Variants in SLC44A5 observed in about 807,000 individuals in gnomAD.
SLC44A5 encodes the protein choline transporter-like protein 5.
Under a neutral mutation model 101.8 loss-of-function variants are expected in SLC44A5, and 57 were observed. The observed-to-expected ratio is 0.56, with a 90% confidence interval of 0.45 to 0.70. SLC44A5 has a LOEUF of 0.70. Ranked by LOEUF, SLC44A5 falls within the 30% of genes least tolerant of loss-of-function variation. SLC44A5 has a pLI of 0.00. For synonymous variants in SLC44A5, 281 were observed against 290.9 expected (o/e 0.97, Z 0.35); for missense variants, 737 against 853.1 (o/e 0.86, Z 1.70).
At chr1:75,607,697 C>T (rs1675405906) in intron 1 of SLC44A5, among the ~76,000 whole-genome samples, 1 of 151,940 alleles carries the variant, frequency 6.6e-6, no homozygotes, top group South Asian at 2.1e-4. Context: ...TAGTAAGTCT[C>T]ATGAGATCTG....
At chr1:75,335,967 C>A (rs1177727803) in intron 4 of SLC44A5, among the ~76,000 whole-genome samples, 1 of 152,098 alleles carries the variant, frequency 6.6e-6, no homozygotes, top group Non-Finnish European at 1.5e-5. Flanking sequence ...TGTGCTTGCT[C>A]TTTAGCTTTT....
chr1:75,205,207 G>A (rs1021921880), intron 23 of SLC44A5: 2 of 152,002 alleles, frequency 1.3e-5, no homozygotes, highest in African/African-American at 2.4e-5. Flanking sequence ...TTTAAATCTA[G>A]GTGTCTACAC....
intron 4 of SLC44A5, among the ~76,000 whole-genome samples, chr1:75,320,031 C>A (rs1656020779): frequency 6.6e-6 from 1 of 152,058 alleles, no homozygotes; most frequent in Admixed American, 6.6e-5. Context: ...ATCTTACAGA[C>A]CTTCCTAGCC....
chr1:75,371,019 C>G (rs1255953794), intron 3 of SLC44A5, among the ~76,000 whole-genome samples: 1 of 152,122 alleles, frequency 6.6e-6, no homozygotes, highest in Non-Finnish European at 1.5e-5. Flanking sequence ...ATGCTCTCAT[C>G]TCATACAGAG....
intron 3 of SLC44A5, among the ~76,000 whole-genome samples, chr1:75,374,398 G>C (rs1201903401): frequency 6.6e-6 from 1 of 152,144 alleles, no homozygotes; most frequent in Non-Finnish European, 1.5e-5. Context: ...TGGGTCTCCT[G>C]GTGACCTAAC....
chr1:75,334,555 T>C (rs1657297941), intron 4 of SLC44A5, among the ~76,000 whole-genome samples: 2 of 152,146 alleles, frequency 1.3e-5, no homozygotes, highest in Non-Finnish European at 2.9e-5. Flanking sequence ...CTAGCACTAT[T>C]GTGTTTAACA....
chr1:75,312,045 T>C (rs756162431), intron 4 of SLC44A5, among the ~76,000 whole-genome samples: 2 of 152,132 alleles, frequency 1.3e-5, no homozygotes, highest in African/African-American at 2.4e-5. Context: ...TGGTGGGAGA[T>C]AGTTGAATCA....
At chr1:75,342,692 T>C (rs1657974480) in intron 3 of SLC44A5, among the ~76,000 whole-genome samples, 1 of 152,206 alleles carries the variant, frequency 6.6e-6, no homozygotes. Flanking sequence ...ACATTAAAGG[T>C]AGGCAAAACC....
At chr1:75,242,788 A>T in intron 8 of SLC44A5, 98 bp downstream of exon 8, 1 of 1,350,250 alleles carries the variant, frequency 7.4e-7, no homozygotes, top group Non-Finnish European at 1.0e-6. Flanking sequence ...ATTTCCTAGA[A>T]GATTTGGGAG....
intron 3 of SLC44A5, among the ~76,000 whole-genome samples, chr1:75,385,921 T>C (rs1281212925): frequency 6.6e-6 from 1 of 152,120 alleles, no homozygotes; most frequent in Admixed American, 6.5e-5. Flanking sequence ...AATCAATAAA[T>C]GTAATCCAGC....
intron 1 of SLC44A5, among the ~76,000 whole-genome samples, chr1:75,610,745 C>A (rs1309370641): frequency 6.6e-6 from 1 of 152,008 alleles, no homozygotes; most frequent in Non-Finnish European, 1.5e-5. Context: ...AGAGAAGATA[C>A]ATAAGTGTAA....
At position 75,611,104 on chromosome 1, in the gene SLC44A5, G is replaced by A. The variant is rs937216699; in HGVS notation, c.-134C>T. On this transcript the variant is annotated 5_prime_UTR_variant, in exon 1 of 24. Coordinates refer to ENST00000370859, the MANE Select transcript of SLC44A5 (RefSeq NM_001130058.2). ...GAACCTTCTAACTCTAACATGCTAC[G>A]ATTCACTACTGTGAAAAAAAAGCTG... is the stretch of plus-strand genomic sequence containing the variant. 9 of 984,948 alleles carry A rather than the reference G, an allele frequency of 9.1e-6. No homozygotes were observed. Among genetic ancestry groups the A allele is most frequent in the Admixed American group, 6.2e-5 (1 of 16,222 alleles). The allele number at this position is 984,948 out of a possible 1,614,324, so 61.0% of individuals were successfully genotyped here. A position where few individuals can be genotyped will look rare whatever the true frequency, so the allele number is the denominator to read the frequency against.
chr1:75,337,430 A>C (rs1365672430), intron 4 of SLC44A5, among the ~76,000 whole-genome samples: 2 of 152,206 alleles, frequency 1.3e-5, no homozygotes, highest in African/African-American at 4.8e-5. Flanking sequence ...CTACATTATG[A>C]GATGAATTTC....
At chr1:75,434,597 GA>G (rs1388955879) in intron 2 of SLC44A5, among the ~76,000 whole-genome samples, 1 of 152,078 alleles carries the variant, frequency 6.6e-6, no homozygotes, top group Non-Finnish European at 1.5e-5. Flanking sequence ...TCTTGCTGCA[GA>G]ATAAAGGGAA....
intron 3 of SLC44A5, among the ~76,000 whole-genome samples, chr1:75,390,930 G>A (rs1055452813): frequency 2.8e-4 from 42 of 152,040 alleles, no homozygotes; most frequent in African/African-American, 9.9e-4. Context: ...GATAGAACTC[G>A]ATACAAAGAA....
intron 2 of SLC44A5, among the ~76,000 whole-genome samples, chr1:75,460,342 C>G (rs1324549661): frequency 6.6e-6 from 1 of 152,226 alleles, no homozygotes. Context: ...ACTACCAGTA[C>G]AGAAACTATG....
chr1:75,285,762 A>T (rs1652987379), intron 5 of SLC44A5, among the ~76,000 whole-genome samples: 1 of 151,960 alleles, frequency 6.6e-6, no homozygotes, highest in African/African-American at 2.4e-5. Context: ...TTTAATTTCC[A>T]TGTATTTGCA....
chr1:75,547,469 G>A (rs758406710), intron 1 of SLC44A5, among the ~76,000 whole-genome samples: 2 of 152,184 alleles, frequency 1.3e-5, no homozygotes, highest in Non-Finnish European at 2.9e-5. Context: ...ACTTAGCTGT[G>A]ATTCTAAAGA....
At chr1:75,637,593 A>G in the SLC44A5 span, among the ~76,000 whole-genome samples, 2 of 151,988 alleles carry the variant, frequency 1.3e-5, no homozygotes, top group African/African-American at 2.4e-5. Flanking sequence ...GTTGTACAAC[A>G]CTGTGAATTT....
Sources: gnomAD v4.1 joint callset for allele counts (sites outside exome capture counted in the v4.1 genomes callset) on GRCh38, gnomAD v4.1.1 for gene constraint, MANE v1.5 for transcripts, NCBI Gene and HGNC (gene_info 2026-07-23, HGNC 2026-07-21) for gene names.